Variants in GALNT7 observed in about 807,000 individuals in gnomAD.
GALNT7 encodes the protein polypeptide N-acetylgalactosaminyltransferase 7, also known as N-acetylgalactosaminyltransferase 7.
A neutral mutation model predicts 82.1 loss-of-function variants in GALNT7; 60 were observed. That is an observed-to-expected ratio of 0.73 (90% CI 0.59 to 0.91). The LOEUF (loss-of-function observed/expected upper bound fraction) is 0.91, where lower values mean the gene tolerates loss of function less well. Ranked by LOEUF, GALNT7 falls within the 40% of genes least tolerant of loss-of-function variation. The pLI, the probability that GALNT7 is intolerant of heterozygous loss-of-function variation, is 0.00. For missense variants in GALNT7, 660 were observed against 804.2 expected (o/e 0.82, Z 2.17); for synonymous variants, 243 against 275.1 (o/e 0.88, Z 1.15).
At chr4:173,259,428 CTT>C (rs528037298) in intron 2 of GALNT7, among the ~76,000 whole-genome samples, 6 of 141,756 alleles carry the variant, frequency 4.2e-5, no homozygotes, top group Non-Finnish European at 3.1e-5. Flanking sequence ...CCTCCTCCCG[CTT>C]TTTTTTTTTT....
chr4:173,263,517 A>T (rs984708551), intron 2 of GALNT7, among the ~76,000 whole-genome samples: 1 of 152,180 alleles, frequency 6.6e-6, no homozygotes, highest in African/African-American at 2.4e-5. Flanking sequence ...ATAGTATGAA[A>T]TCCTATCTCT....
chr4:173,270,116 C>T (rs59605362), intron 2 of GALNT7, among the ~76,000 whole-genome samples: 5 of 152,066 alleles, frequency 3.3e-5, no homozygotes, highest in East Asian at 3.9e-4. Context: ...AGAAGTATAG[C>T]GCAATTATTA....
chr4:173,256,225 G>C (rs1735032301), intron 2 of GALNT7, among the ~76,000 whole-genome samples: 1 of 152,182 alleles, frequency 6.6e-6, no homozygotes, highest in Non-Finnish European at 1.5e-5. Context: ...GTCTGAAGAA[G>C]CTGCACGTGC....
chr4:173,203,070 C>T (rs1293362757), intron 1 of GALNT7, among the ~76,000 whole-genome samples: 4 of 150,648 alleles, frequency 2.7e-5, no homozygotes, highest in African/African-American at 4.9e-5. Context: ...ACAGGTGAAG[C>T]GAATCTGTTA....
chr4:173,219,360 A>G (rs573578510), intron 1 of GALNT7, among the ~76,000 whole-genome samples: 3 of 152,176 alleles, frequency 2.0e-5, no homozygotes, highest in African/African-American at 7.2e-5. Flanking sequence ...GTATACATAC[A>G]CATACATACC....
At chr4:173,243,494 A>C (rs1247577751) in intron 1 of GALNT7, among the ~76,000 whole-genome samples, 4 of 152,198 alleles carry the variant, frequency 2.6e-5, no homozygotes, top group African/African-American at 9.6e-5. Context: ...GTATCATTGT[A>C]CCAGTGAGTC....
rs529461619 is a variant in GALNT7 at position 173,173,721 on chromosome 4, G to A, written c.126+4760G>A. On this transcript the variant is annotated intron_variant, in intron 1 of 11. Transcript: ENST00000265000. ...ATTCAGTACTGGTGAGAAGCTGTGT[G>A]TAAACTAATGACTCTCTGGATATGC... is the stretch of plus-strand genomic sequence containing the variant. Among the ~76,000 whole-genome samples the A allele has an allele frequency of 5.3e-5, 8 of 152,298 alleles. 1 individual carries two copies. In the South Asian group the frequency reaches 1.7e-3, roughly 32 times the overall value.
intron 1 of GALNT7, among the ~76,000 whole-genome samples, chr4:173,199,314 C>T (rs373121175): frequency 3.9e-5 from 6 of 152,050 alleles, no homozygotes; most frequent in African/African-American, 1.2e-4. Context: ...GTCCTAGATC[C>T]GCCACTTACT....
chr4:173,222,022 A>G (rs1038913039), intron 1 of GALNT7, among the ~76,000 whole-genome samples: 2 of 152,190 alleles, frequency 1.3e-5, no homozygotes, highest in African/African-American at 4.8e-5. Context: ...AAATTAAGCT[A>G]TTGGATGCTG....
At chr4:173,312,934 C>G (rs775834415) in intron 8 of GALNT7, among the ~76,000 whole-genome samples, 1 of 152,122 alleles carries the variant, frequency 6.6e-6, no homozygotes, top group Non-Finnish European at 1.5e-5. Context: ...TGGCGGGCAC[C>G]TGTAATACCA....
intron 1 of GALNT7, among the ~76,000 whole-genome samples, chr4:173,198,245 T>G (rs1478241060): frequency 8.8e-6 from 1 of 113,706 alleles, no homozygotes; most frequent in Non-Finnish European, 2.0e-5. Flanking sequence ...TTTTTTTGTA[T>G]TTTTAGTAGA....
At chr4:173,209,063 T>G (rs1733189969) in intron 1 of GALNT7, among the ~76,000 whole-genome samples, 1 of 152,194 alleles carries the variant, frequency 6.6e-6, no homozygotes, top group African/African-American at 2.4e-5. Flanking sequence ...AATACAAAGT[T>G]TTGAAGTACT....
Position 173,168,950 on chromosome 4 carries a change from A to G in GALNT7, c.115A>G (p.Ser39Gly). Residue 39 changes from serine to glycine, a missense_variant, in exon 1 of 12, where the codon AGC (serine) becomes GGC (glycine). By Grantham distance (56) the Ser-to-Gly change is moderately conservative (BLOSUM62 0). Transcript: ENST00000265000. ...TPRPDDPSPLSRMREDRDVND... is the reference protein window; with the variant it reads ...TPRPDDPSPLGRMREDRDVND... The stretch of plus-strand genomic sequence containing the variant: ...GCGGCCGGACGACCCAAGCCCGCTG[A>G]GCAGGATGAGGGTGAGTGACCCGCC... 4 of 1,613,432 alleles carry G rather than the reference A, an allele frequency of 2.5e-6. No individual in the cohort carries two copies. Among genetic ancestry groups the G allele is most frequent in the Non-Finnish European group, 3.4e-6 (4 of 1,179,680 alleles).
At chr4:173,250,802 C>T (rs1734820436) in intron 2 of GALNT7, among the ~76,000 whole-genome samples, 1 of 152,150 alleles carries the variant, frequency 6.6e-6, no homozygotes, top group South Asian at 2.1e-4. Context: ...ACTTCTTGCC[C>T]ACATAGTCCA....
At chr4:173,248,924 T>C (rs1018796181) in intron 2 of GALNT7, among the ~76,000 whole-genome samples, 2 of 7,442 alleles carry the variant, frequency 2.7e-4, no homozygotes, top group African/African-American at 1.2e-3. Flanking sequence ...TAGATTTATG[T>C]TTCCTTTAAT....
chr4:173,196,586 A>G (rs1448887667), intron 1 of GALNT7, among the ~76,000 whole-genome samples: 2 of 152,130 alleles, frequency 1.3e-5, no homozygotes, highest in Admixed American at 6.5e-5. Context: ...TGCAGGATGT[A>G]CAGGTTTGTT....
intron 8 of GALNT7, among the ~76,000 whole-genome samples, chr4:173,311,475 G>A (rs1316298698): frequency 2.0e-5 from 3 of 152,166 alleles, no homozygotes; most frequent in Admixed American, 6.5e-5. Flanking sequence ...GGCAGCTTCC[G>A]CTTCTAAGAA....
At chr4:173,224,007 CT>C (rs58190836) in intron 1 of GALNT7, among the ~76,000 whole-genome samples, 2 of 151,180 alleles carry the variant, frequency 1.3e-5, no homozygotes, top group East Asian at 1.9e-4. Flanking sequence ...TAGCAGATCT[CT>C]TTTTTTTTGT....
intron 2 of GALNT7, among the ~76,000 whole-genome samples, chr4:173,282,720 A>G (rs79220368): frequency 0.073 from 11,072 of 152,232 alleles, 504 homozygotes; most frequent in Non-Finnish European, 0.099. Flanking sequence ...CCTCTAGATG[A>G]AAAAAACAAT....
Sources: gnomAD v4.1 joint callset for allele counts (sites outside exome capture counted in the v4.1 genomes callset) on GRCh38, gnomAD v4.1.1 for gene constraint, MANE v1.5 for transcripts, NCBI Gene and HGNC (gene_info 2026-07-23, HGNC 2026-07-21) for gene names.